The following CCDC91 variants were observed in gnomAD, a reference collection of about 807,000 sequenced individuals.
CCDC91 encodes coiled-coil domain containing 91.
In CCDC91, 48 loss-of-function variants were observed where a neutral mutation model predicts 63.2. That is an observed-to-expected ratio of 0.76 (90% CI 0.60 to 0.97). CCDC91 has a LOEUF of 0.97. Ranked by LOEUF, CCDC91 falls within the 50% of genes least tolerant of loss-of-function variation. CCDC91 has a pLI of 0.00. For synonymous variants in CCDC91, 167 were observed against 165.8 expected, an observed-to-expected ratio of 1.01 and a Z score of -0.06; for missense variants, 500 against 494.6, an observed-to-expected ratio of 1.01 and a Z score of -0.10.
chr12:28,204,913 T>C (rs1420548476), intron 1 of CCDC91, among the ~76,000 whole-genome samples: 5 of 152,226 alleles, frequency 3.3e-5, no homozygotes, highest in Non-Finnish European at 7.4e-5. Flanking sequence ...AATAAAACTT[T>C]TTAGTATCAT....
At chr12:28,359,929 G>C (rs1469118737) in intron 6 of CCDC91, among the ~76,000 whole-genome samples, 3 of 152,160 alleles carry the variant, frequency 2.0e-5, no homozygotes, top group Non-Finnish European at 4.4e-5. Context: ...GAGTTCCAAA[G>C]TGATGAGTTT....
At chr12:28,304,319 G>A (rs1200361411) in intron 3 of CCDC91, among the ~76,000 whole-genome samples, 1 of 141,044 alleles carries the variant, frequency 7.1e-6, no homozygotes, top group Non-Finnish European at 1.5e-5. Flanking sequence ...GGAAATTGCA[G>A]TGAGCCAAGA....
At chr12:28,197,931 A>C (rs1450160352) in intron 1 of CCDC91, among the ~76,000 whole-genome samples, 1 of 152,096 alleles carries the variant, frequency 6.6e-6, no homozygotes, top group East Asian at 1.9e-4. Context: ...ATTTATTTTG[A>C]AATGTGAAGA....
chr12:28,232,093 T>G (rs1207501903), intron 1 of CCDC91, among the ~76,000 whole-genome samples: 1 of 152,184 alleles, frequency 6.6e-6, no homozygotes, highest in Non-Finnish European at 1.5e-5. Context: ...TGAATATCCT[T>G]TATAAAAAAT....
At chr12:28,254,685 G>C (rs1168112525) in intron 1 of CCDC91, among the ~76,000 whole-genome samples, 4 of 150,922 alleles carry the variant, frequency 2.7e-5, no homozygotes, top group Non-Finnish European at 5.9e-5. Flanking sequence ...TATTTCTCTA[G>C]AATTATATGT....
chr12:28,270,619 G>A (rs538299934), intron 3 of CCDC91, among the ~76,000 whole-genome samples: 12 of 152,148 alleles, frequency 7.9e-5, no homozygotes, highest in Admixed American at 1.3e-4. Flanking sequence ...CATTAAATGT[G>A]CGAATAAACA....
intron 1 of CCDC91, among the ~76,000 whole-genome samples, chr12:28,215,649 A>G (rs1943515141): frequency 6.6e-6 from 1 of 152,118 alleles, no homozygotes; most frequent in Admixed American, 6.5e-5. Flanking sequence ...TACTATGTAA[A>G]AGGAAGATGA....
intron 11 of CCDC91, among the ~76,000 whole-genome samples, chr12:28,482,544 A>G (rs1157485081): frequency 6.6e-6 from 1 of 151,950 alleles, no homozygotes; most frequent in East Asian, 1.9e-4. Flanking sequence ...TATTGCCAAT[A>G]TTTTTCTAAA....
intron 7 of CCDC91, among the ~76,000 whole-genome samples, chr12:28,374,946 A>G (rs1944852246): frequency 1.3e-5 from 2 of 152,040 alleles, no homozygotes; most frequent in African/African-American, 2.4e-5. Context: ...GATTTTATAT[A>G]ATAATTTATA....
At chr12:28,252,163 G>A (rs565080486) in intron 1 of CCDC91, among the ~76,000 whole-genome samples, 1 of 152,210 alleles carries the variant, frequency 6.6e-6, no homozygotes, top group Non-Finnish European at 1.5e-5. Context: ...AGACCATTAT[G>A]TTGTTGGTCC....
chr12:28,528,706 A>G (rs1357364213), intron 12 of CCDC91, among the ~76,000 whole-genome samples: 2 of 151,988 alleles, frequency 1.3e-5, no homozygotes, highest in Non-Finnish European at 2.9e-5. Flanking sequence ...GCTGAGTCTC[A>G]TATTTGTGAC....
chr12:28,362,526 GA>G lies in CCDC91; in HGVS notation c.654+12del, dbSNP rs1555194424. The G allele has an allele frequency of 6.5e-7, 1 of 1,546,492 alleles. No individual in the cohort carries two copies. Among genetic ancestry groups the G allele is most frequent in the Non-Finnish European group, 8.8e-7 (1 of 1,142,652 alleles). On this transcript the variant is annotated intron_variant, in intron 7 of 12. Transcript: ENST00000536442. ...GTGGATGAATATAAGGTAGAGGTTT[GA>G]GAGTGTTTACTTTTTTAAACCTTGG...
At chr12:28,493,907 T>A (rs949442535) in intron 12 of CCDC91, among the ~76,000 whole-genome samples, 3 of 151,704 alleles carry the variant, frequency 2.0e-5, no homozygotes, top group Non-Finnish European at 4.4e-5. Context: ...TCTCTGTCCA[T>A]GTATATGAGA....
chr12:28,234,773 A>T (rs1292899848), intron 1 of CCDC91, among the ~76,000 whole-genome samples: 4 of 149,892 alleles, frequency 2.7e-5, no homozygotes, highest in South Asian at 2.1e-4. Context: ...TTTTTTTTTT[A>T]AAGTTTCAGT....
chr12:28,382,254 T>A (rs972275872), intron 7 of CCDC91, among the ~76,000 whole-genome samples: 3 of 151,750 alleles, frequency 2.0e-5, no homozygotes, highest in Non-Finnish European at 4.4e-5. Flanking sequence ...TGAATGGAAC[T>A]GAATTAATTG....
intron 6 of CCDC91, among the ~76,000 whole-genome samples, chr12:28,328,720 A>G (rs1941234966): frequency 6.6e-6 from 1 of 152,158 alleles, no homozygotes; most frequent in Non-Finnish European, 1.5e-5. Flanking sequence ...GAGGCATCAC[A>G]TTTTCCAAAT....
In CCDC91 at chr12:28,294,840, C is replaced by T. The variant is rs574126543; in HGVS notation, c.110-10809C>T. On this transcript the variant is annotated intron_variant, in intron 3 of 12. Coordinates refer to ENST00000536442, the MANE Select transcript of CCDC91 (RefSeq NM_018318.5). ...CCTCAGGTGATCCACCTGCTTCAGC[C>T]TCCCAAAGTGCTGGGATTACAGGTT... Among the ~76,000 whole-genome samples the T allele has an allele frequency of 1.0e-3, 156 of 152,286 alleles. 1 individual carries two copies. Among genetic ancestry groups the T allele is most frequent in the African/African-American group, 3.4e-3 (141 of 41,564 alleles).
chr12:28,538,748 C>G (rs1942392437), intron 12 of CCDC91, among the ~76,000 whole-genome samples: 1 of 152,064 alleles, frequency 6.6e-6, no homozygotes, highest in South Asian at 2.1e-4. Flanking sequence ...TCCTATTTCT[C>G]CACATCCTCT....
chr12:28,496,881 T>G (rs1041731901), intron 12 of CCDC91, among the ~76,000 whole-genome samples: 2 of 147,964 alleles, frequency 1.4e-5, no homozygotes, highest in Non-Finnish European at 3.0e-5. Flanking sequence ...TATATATGTA[T>G]ATATGTAGAT....
Sources: gnomAD v4.1 joint callset for allele counts (sites outside exome capture counted in the v4.1 genomes callset) on GRCh38, gnomAD v4.1.1 for gene constraint, MANE v1.5 for transcripts, NCBI Gene and HGNC (gene_info 2026-07-23, HGNC 2026-07-21) for gene names.